GADD45GIP1: variants seen among roughly 807,000 people sequenced by gnomAD.
The protein encoded by GADD45GIP1 is GADD45G interacting protein 1, also known as large ribosomal subunit protein mL64.
GADD45GIP1 carries 17 observed loss-of-function variants against 22.1 expected under a neutral mutation model. The ratio of observed to expected loss-of-function variants is 0.77; its 90% confidence interval spans 0.53 to 1.15. The LOEUF (loss-of-function observed/expected upper bound fraction) is 1.15. Ranked by LOEUF, GADD45GIP1 falls within the 50% of genes most tolerant of loss-of-function variation. GADD45GIP1 has a pLI of 0.00. For missense variants in GADD45GIP1, 294 were observed against 314.0 expected, an observed-to-expected ratio of 0.94 and a Z score of 0.48; for synonymous variants, 135 against 138.4, an observed-to-expected ratio of 0.98 and a Z score of 0.17.
intron 1 of GADD45GIP1, among the ~76,000 whole-genome samples, chr19:12,954,865 G>T (rs1448988276): frequency 3.9e-5 from 6 of 152,176 alleles, no homozygotes; most frequent in Admixed American, 3.3e-4. Flanking sequence ...AGCACTTCCT[G>T]TACAGAGGCC....
chr19:12,956,836 G>C (rs1568457081), intron 1 of GADD45GIP1, 27 bp downstream of exon 1: 2 of 1,587,542 alleles, frequency 1.3e-6, no homozygotes, highest in Admixed American at 1.7e-5. Flanking sequence ...ACAGAGGGCA[G>C]CCCCGCGTCT....
Position 12,957,047 on chromosome 19 carries a change from A to G in GADD45GIP1, c.166T>C (p.Tyr56His), listed in dbSNP as rs781512989. 1 of 1,583,664 alleles carries G rather than the reference A, an allele frequency of 6.3e-7. No individual in the cohort carries two copies. The highest frequency in any genetic ancestry group is 8.5e-7 in the Non-Finnish European group (1 of 1,173,162). The change falls in exon 1 of 2, where the codon TAC becomes CAC. Residue 56 changes from tyrosine (Y) to histidine (H), a missense_variant. Tyr to His is a moderately conservative substitution (Grantham distance 83). Transcript: ENST00000316939. ...TAACGCGCGAACTGCTTAGCCGCGT[A>G]GCGCGGTCCCAGCTGCCACCGCGGG... Reference protein sequence around the residue: ...LTPRWQLGPRYAAKQFARYGA... With the variant: ...LTPRWQLGPRHAAKQFARYGA...
chr19:12,957,177 T>C lies in GADD45GIP1; in HGVS notation c.36A>G (p.Leu12=), dbSNP rs767939639. The change falls in exon 1 of 2, where the codon CTA becomes CTG. Residue 12 remains leucine (L), a synonymous_variant. Coordinates refer to ENST00000316939, the MANE Select transcript of GADD45GIP1 (RefSeq NM_052850.4). The stretch of plus-strand genomic sequence containing the variant: ...CCGGGGCCAGGGTCGCCGCCACACC[T>C]AGTAGGCTGCGTGCCTGTCGCACGG... ...AASVRQARSL[L]GVAATLAPGS... is the part of the protein sequence containing the mutation. 18 of 1,411,400 alleles carry C rather than the reference T, an allele frequency of 1.3e-5. No homozygotes were observed. Among genetic ancestry groups the C allele is most frequent in the Middle Eastern group, 2.6e-4 (1 of 3,806 alleles). 87.4% of individuals were successfully genotyped at this position (1,411,400 alleles called of 1,614,324 possible).
chr19:12,953,524 G>A lies in GADD45GIP1; in HGVS notation c.*684C>T, dbSNP rs8240. 0.038 allele frequency: 5,789 copies of A among 153,734 alleles called. 175 individuals carry two copies. Among genetic ancestry groups the A allele is most frequent in the Middle Eastern group, 0.18 (52 of 296 alleles). The allele number at this position is 153,734 out of a possible 1,614,324, so 9.5% of individuals were successfully genotyped here. Reference sequence around the variant, plus strand: ...AGGCCCAAGGCCCCCTCCCCAGTCTGGCCTTGGCCTCCAGCCTGGAGAAGG... The same window carrying A: ...AGGCCCAAGGCCCCCTCCCCAGTCTAGCCTTGGCCTCCAGCCTGGAGAAGG... On this transcript the variant is annotated 3_prime_UTR_variant, in exon 2 of 2. Transcript: ENST00000316939.
chr19:12,956,349 C>T (rs1971924171), intron 1 of GADD45GIP1, among the ~76,000 whole-genome samples: 1 of 152,186 alleles, frequency 6.6e-6, no homozygotes, highest in South Asian at 2.1e-4. Context: ...ACGGTATGCG[C>T]TCAGTAAAGA....
rs1380006373 is a variant in GADD45GIP1 at position 12,953,251 on chromosome 19, C to G, written c.*957G>C. ...ATCTCCCGGGCCAGACAGCTGTCCC[C>G]CCGTCCTCCTCCCCAGCCCAGCCTG... On this transcript the variant is annotated 3_prime_UTR_variant, in exon 2 of 2. Transcript: ENST00000316939. 2.4e-6 allele frequency: 1 copy of G among 423,402 alleles called. No homozygotes were observed. The highest frequency in any genetic ancestry group is 4.1e-6 in the Non-Finnish European group (1 of 244,876). 26.2% of individuals were successfully genotyped at this position (423,402 alleles called of 1,614,324 possible). A position where few individuals can be genotyped will look rare whatever the true frequency, so the allele number is the denominator to read the frequency against.
At chr19:12,956,772 C>A in intron 1 of GADD45GIP1, 91 bp downstream of exon 1, 1 of 1,094,018 alleles carries the variant, frequency 9.1e-7, no homozygotes, top group Non-Finnish European at 1.3e-6. Context: ...GCAGATGCTG[C>A]GACGTGACCC....
At chr19:12,956,561 G>A (rs1971926111) in intron 1 of GADD45GIP1, among the ~76,000 whole-genome samples, 1 of 152,216 alleles carries the variant, frequency 6.6e-6, no homozygotes, top group Admixed American at 6.5e-5. Flanking sequence ...GGCTAAGGCG[G>A]GAGAATCGCT....
rs1319757901 is a variant in GADD45GIP1, at chr19:12,954,246, C to T, written c.631G>A (p.Ala211Thr). Residue 211 changes from alanine to threonine, a missense_variant, in exon 2 of 2, where the codon GCT becomes ACT. By Grantham distance (58) the Ala-to-Thr change is moderately conservative. Transcript: ENST00000316939. Reference sequence around the variant, plus strand: ...GCCCCAGAGGCTGCTGGGTCTTGAGCCACAGCTGCAGCCAATGCAGCAGCT... The same window carrying T: ...GCCCCAGAGGCTGCTGGGTCTTGAGTCACAGCTGCAGCCAATGCAGCAGCT... Reference protein sequence around the residue: ...ARAAALAAAVAQDPAASGAPS... With the variant: ...ARAAALAAAVTQDPAASGAPS... 1.7e-5 allele frequency: 27 copies of T among 1,614,086 alleles called. No individual in the cohort carries two copies. Among genetic ancestry groups the T allele is most frequent in the Non-Finnish European group, 2.3e-5 (27 of 1,179,994 alleles).
chr19:12,957,216 G>A lies in GADD45GIP1; in HGVS notation c.-4C>T. On this transcript the variant is annotated 5_prime_UTR_variant, in exon 1 of 2. Transcript: ENST00000316939. ...CCTGTCGCACGGACGCCGCCATCTT[G>A]GCTGTGCGGGGTCCTCACAGGCCCG... The A allele has an allele frequency of 7.2e-7, 1 of 1,388,608 alleles. No homozygotes were observed. The highest frequency in any genetic ancestry group is 2.9e-5 in the East Asian group (1 of 34,398). The allele number at this position is 1,388,608 out of a possible 1,614,324, so 86.0% of individuals were successfully genotyped here.
chr19:12,956,727 G>T, intron 1 of GADD45GIP1, 136 bp downstream of exon 1: 1 of 689,840 alleles, frequency 1.4e-6, no homozygotes, highest in Non-Finnish European at 2.4e-6. Context: ...AGTTTGTTTT[G>T]CGGCCAGGTG....
intron 1 of GADD45GIP1, among the ~76,000 whole-genome samples, chr19:12,954,803 C>G (rs1247143267): frequency 6.6e-6 from 1 of 152,222 alleles, no homozygotes; most frequent in Admixed American, 6.5e-5. Flanking sequence ...CTGAGCAAGC[C>G]AAGTGCCACT....
chr19:12,955,011 A>G (rs927724388), intron 1 of GADD45GIP1, among the ~76,000 whole-genome samples: 11 of 152,208 alleles, frequency 7.2e-5, no homozygotes, highest in African/African-American at 2.7e-4. Flanking sequence ...ACGTAGGTAA[A>G]CTTGTGTCAT....
Position 12,954,232 on chromosome 19 carries a change from T to G in GADD45GIP1, c.645A>C (p.Ala215=). 1 of 1,613,886 alleles carries G rather than the reference T, an allele frequency of 6.2e-7. No homozygotes were observed. The highest frequency in any genetic ancestry group is 1.1e-5 in the South Asian group (1 of 91,086). The change falls in exon 2 of 2, where the codon GCA becomes GCC. Residue 215 remains alanine, a synonymous_variant. Coordinates refer to ENST00000316939, the MANE Select transcript of GADD45GIP1 (RefSeq NM_052850.4). Reference sequence around the variant, plus strand: ...CTCAGGAGCTGGGTGCCCCAGAGGCTGCTGGGTCTTGAGCCACAGCTGCAG... The same window carrying G: ...CTCAGGAGCTGGGTGCCCCAGAGGCGGCTGGGTCTTGAGCCACAGCTGCAG... ...ALAAAVAQDP[A]ASGAPSS
intron 1 of GADD45GIP1, 119 bp from the exon 2 acceptor site, chr19:12,954,645 TTAAC>T: frequency 1.4e-6 from 1 of 729,882 alleles, no homozygotes; most frequent in South Asian, 1.8e-5. Flanking sequence ...CCCCAGTAGA[TTAAC>T]TGTCAGGAAA....
At position 12,953,206 on chromosome 19, in the gene GADD45GIP1, C is replaced by T; in HGVS notation, c.*1002G>A. On this transcript the variant is annotated 3_prime_UTR_variant, in exon 2 of 2. Coordinates refer to ENST00000316939, the MANE Select transcript of GADD45GIP1 (RefSeq NM_052850.4). The stretch of plus-strand genomic sequence containing the variant: ...GCAAACAGTCCAGCTTCCTGTCCTC[C>T]TAAAGTGGCCCCTGTTCCCATCTCC... The T allele has an allele frequency of 1.8e-6, 1 of 541,098 alleles. No homozygotes were observed. Among genetic ancestry groups the T allele is most frequent in the Non-Finnish European group, 3.1e-6 (1 of 325,092 alleles). The allele number at this position is 541,098 out of a possible 1,614,324, so 33.5% of individuals were successfully genotyped here.
Position 12,953,134 on chromosome 19 carries a change from G to A in GADD45GIP1, c.*1074C>T. On this transcript the variant is annotated 3_prime_UTR_variant, in exon 2 of 2. Transcript: ENST00000316939. ...AAAGAAAAAATATATATATATTCAT[G>A]TTTATTTAAGAAATGGAAAAAAAAA... 1 of 843,446 alleles carries A rather than the reference G, an allele frequency of 1.2e-6. No homozygotes were observed. Among genetic ancestry groups the A allele is most frequent in the Middle Eastern group, 3.4e-4 (1 of 2,974 alleles). The allele number at this position is 843,446 out of a possible 1,614,324, so 52.2% of individuals were successfully genotyped here.
In GADD45GIP1 at chr19:12,954,185, C is replaced by G; in HGVS notation, c.*23G>C. On this transcript the variant is annotated 3_prime_UTR_variant, in exon 2 of 2. Coordinates refer to ENST00000316939, the MANE Select transcript of GADD45GIP1 (RefSeq NM_052850.4). ...TTCAGGGGTACTGCCAGGTAGCAGGCTTTATTGGGAAGGGACAAAGCCTCA... is the reference window on the plus strand; with the variant it reads ...TTCAGGGGTACTGCCAGGTAGCAGGGTTTATTGGGAAGGGACAAAGCCTCA... The G allele has an allele frequency of 6.2e-7, 1 of 1,600,412 alleles. No homozygotes were observed. Among genetic ancestry groups the G allele is most frequent in the South Asian group, 1.1e-5 (1 of 89,814 alleles).
At chr19:12,955,176 AC>A (rs1971908758) in intron 1 of GADD45GIP1, among the ~76,000 whole-genome samples, 1 of 152,126 alleles carries the variant, frequency 6.6e-6, no homozygotes, top group Admixed American at 6.6e-5. Context: ...GCTCCCACTT[AC>A]AAGTGAGAAC....
Sources: gnomAD v4.1 joint callset for allele counts (sites outside exome capture counted in the v4.1 genomes callset) on GRCh38, gnomAD v4.1.1 for gene constraint, MANE v1.5 for transcripts, NCBI Gene and HGNC (gene_info 2026-07-23, HGNC 2026-07-21) for gene names.